RBFOX1: variants seen among roughly 807,000 people sequenced by gnomAD.
RBFOX1 encodes RNA binding fox-1 homolog 1.
In RBFOX1, 8 loss-of-function variants were observed where a neutral mutation model predicts 57.7. The observed-to-expected ratio is 0.14, with a 90% CI of 0.08 to 0.25. The LOEUF is 0.25. Among genes scored for constraint, RBFOX1 ranks in the 10% least tolerant of loss-of-function variants. The probability of loss-of-function intolerance (pLI) is 1.00; values close to 1 mark genes in which losing one functional copy is unlikely to be tolerated. For missense variants in RBFOX1, 611 were observed against 548.5 expected (o/e 1.11, Z -1.14); for synonymous variants, 326 against 222.4 (o/e 1.47, Z -4.15).
At chr16:7,461,243 C>T (rs2059531255) in intron 4 of RBFOX1, among the ~76,000 whole-genome samples, 1 of 151,958 alleles carries the variant, frequency 6.6e-6, no homozygotes, top group East Asian at 1.9e-4. Context: ...TCTCGGCTCA[C>T]TGCAACCTCC....
intron 3 of RBFOX1, among the ~76,000 whole-genome samples, chr16:6,924,207 C>A (rs993607280): frequency 2.0e-5 from 3 of 148,278 alleles, no homozygotes; most frequent in Admixed American, 2.0e-4. Flanking sequence ...AATAATGCCA[C>A]CTGAAACTGG....
At chr16:5,641,709 C>A (rs1364367422) in intron 3 of RBFOX1, among the ~76,000 whole-genome samples, 4 of 152,166 alleles carry the variant, frequency 2.6e-5, no homozygotes, top group Non-Finnish European at 4.4e-5. Flanking sequence ...GGCATGTTGA[C>A]TTTGTCTTAG....
At position 7,202,457 on chromosome 16, in the gene RBFOX1, C is replaced by T. The variant is rs191954485; in HGVS notation, c.27+150359C>T. On this transcript the variant is annotated intron_variant, in intron 4 of 15. Coordinates refer to ENST00000550418, the MANE Select transcript of RBFOX1 (RefSeq NM_018723.4). Reference sequence around the variant, plus strand: ...ATTAAAAATAGAACTGCCAGATGATCCAACAATTCTTATTCTGGATATATA... The same window carrying T: ...ATTAAAAATAGAACTGCCAGATGATTCAACAATTCTTATTCTGGATATATA... Among the ~76,000 whole-genome samples the T allele has an allele frequency of 1.1e-4, 17 of 152,200 alleles. No homozygotes were observed. In the East Asian group the frequency reaches 3.3e-3, roughly 29 times the overall value.
At chr16:5,371,524 T>C (rs554621564) in intron 1 of RBFOX1, among the ~76,000 whole-genome samples, 2 of 152,222 alleles carry the variant, frequency 1.3e-5, no homozygotes, top group Non-Finnish European at 2.9e-5. Flanking sequence ...CCACCCCACC[T>C]GTGACATTTT....
chr16:6,198,109 A>C (rs1810041326), intron 1 of RBFOX1, among the ~76,000 whole-genome samples: 1 of 152,144 alleles, frequency 6.6e-6, no homozygotes, highest in African/African-American at 2.4e-5. Context: ...GGTCCTGTGC[A>C]TTTCAGACTT....
intron 1 of RBFOX1, among the ~76,000 whole-genome samples, chr16:5,388,681 A>G (rs1198412356): frequency 1.3e-5 from 2 of 151,630 alleles, no homozygotes; most frequent in African/African-American, 4.8e-5. Context: ...GGTTCAAGCG[A>G]TTTTCCTGTC....
chr16:7,219,504 G>C (rs1229433862), intron 4 of RBFOX1, among the ~76,000 whole-genome samples: 1 of 152,156 alleles, frequency 6.6e-6, no homozygotes, highest in Non-Finnish European at 1.5e-5. Flanking sequence ...GCTACTGTTA[G>C]GTGTGTTTAA....
intron 3 of RBFOX1, among the ~76,000 whole-genome samples, chr16:6,755,218 C>G (rs940939824): frequency 2.0e-5 from 3 of 152,096 alleles, no homozygotes; most frequent in Non-Finnish European, 4.4e-5. Context: ...GGGTGTATAC[C>G]CAGTAATGGG....
At chr16:6,586,309 G>A (rs1002363607) in intron 2 of RBFOX1, among the ~76,000 whole-genome samples, 1 of 152,142 alleles carries the variant, frequency 6.6e-6, no homozygotes. Flanking sequence ...GTGCATAGAT[G>A]ACAGAAGAAA....
chr16:7,050,729 T>C (rs1395243496), intron 3 of RBFOX1, among the ~76,000 whole-genome samples: 2 of 152,244 alleles, frequency 1.3e-5, no homozygotes, highest in Admixed American at 1.3e-4. Flanking sequence ...TGGTACATGT[T>C]ATGCCATACT....
intron 3 of RBFOX1, among the ~76,000 whole-genome samples, chr16:6,883,228 G>A (rs563685110): frequency 3.3e-5 from 5 of 152,262 alleles, no homozygotes; most frequent in East Asian, 1.9e-4. Flanking sequence ...TAGAAATCTC[G>A]CTTTGCTACA....
intron 1 of RBFOX1, among the ~76,000 whole-genome samples, chr16:6,064,220 G>T (rs1176826348): frequency 2.0e-5 from 3 of 152,048 alleles, no homozygotes; most frequent in East Asian, 3.9e-4. Context: ...TGACCTATAC[G>T]TTCTTTAAAA....
At chr16:7,655,690 C>G (rs7194902) in intron 12 of RBFOX1, among the ~76,000 whole-genome samples, 147,760 of 152,344 alleles carry the variant, frequency 0.97, 71,823 homozygotes, top group East Asian at 1. Flanking sequence ...TGCTATAAAT[C>G]CAAAATTGCA....
intron 3 of RBFOX1, among the ~76,000 whole-genome samples, chr16:6,981,059 A>AAAAAAAAAAC (rs2088682554): frequency 6.7e-6 from 1 of 149,836 alleles, no homozygotes; most frequent in African/African-American, 2.5e-5. Flanking sequence ...AAAAAAAAAA[A>AAAAAAAAAAC]CACTAAAAAA....
At chr16:7,659,503 CT>C (rs1240011766) in intron 12 of RBFOX1, among the ~76,000 whole-genome samples, 1 of 152,204 alleles carries the variant, frequency 6.6e-6, no homozygotes, top group Non-Finnish European at 1.5e-5. Context: ...GGCGTCCAAT[CT>C]TTTGGTTTCC....
chr16:6,047,979 A>T (rs1044173564), intron 1 of RBFOX1, among the ~76,000 whole-genome samples: 18 of 152,344 alleles, frequency 1.2e-4, no homozygotes, highest in South Asian at 2.1e-4. Context: ...CTACGTTATC[A>T]AGGAAATACT....
rs114727770 is a variant in RBFOX1 at position 5,778,901 on chromosome 16, G to A, written c.319-88402G>A. Among the ~76,000 whole-genome samples, 480 of 152,240 alleles carry A rather than the reference G, an allele frequency of 3.2e-3. 4 individuals are homozygous for A. Among genetic ancestry groups the A allele is most frequent in the African/African-American group, 0.011 (464 of 41,544 alleles). Reference sequence around the variant, plus strand: ...GATATGATTCCTGTAAAAGTAAAACGAAATACATGTTTATGTGTCTGGCAT... The same window carrying A: ...GATATGATTCCTGTAAAAGTAAAACAAAATACATGTTTATGTGTCTGGCAT... On this transcript the variant is annotated intron_variant, in intron 3 of 19. Transcript: ENST00000641259.
chr16:6,611,332 A>T (rs955217637), intron 2 of RBFOX1, among the ~76,000 whole-genome samples: 1 of 152,164 alleles, frequency 6.6e-6, no homozygotes, highest in Non-Finnish European at 1.5e-5. Flanking sequence ...TTTTTAGTAG[A>T]GACAGGGTTT....
intron 3 of RBFOX1, among the ~76,000 whole-genome samples, chr16:6,698,803 A>G (rs1223364677): frequency 6.6e-6 from 1 of 152,192 alleles, no homozygotes; most frequent in Non-Finnish European, 1.5e-5. Flanking sequence ...AATGGTGAGA[A>G]ATGTGAATCC....
Sources: allele counts gnomAD v4.1 joint callset (sites outside exome capture counted in the v4.1 genomes callset), GRCh38; gene constraint gnomAD v4.1.1; transcripts MANE v1.5; gene names NCBI Gene and HGNC (gene_info 2026-07-23, HGNC 2026-07-21).